AR: variants seen among roughly 807,000 people sequenced by gnomAD.
AR encodes dihydrotestosterone receptor.
Under a neutral mutation model 53.9 loss-of-function variants are expected in AR, and 8 were observed. The observed-to-expected ratio is 0.15, with a 90% CI of 0.09 to 0.27. The LOEUF is 0.27. Among genes scored for constraint, AR ranks in the 10% least tolerant of loss-of-function variants. The probability of loss-of-function intolerance (pLI) is 1.00; values close to 1 mark genes in which losing one functional copy is unlikely to be tolerated. For synonymous variants in AR, 359 were observed against 316.4 expected (o/e 1.13, Z -1.43); for missense variants, 639 against 742.5 (o/e 0.86, Z 1.62).
At chrX:67,662,913 T>G (rs951363253) in intron 2 of AR, among the ~76,000 whole-genome samples, 5 of 111,660 alleles carry the variant, frequency 4.5e-5, no homozygotes, top group South Asian at 3.8e-4. Flanking sequence ...TTTGTTGGTT[T>G]AAAGTCTGTT....
At chrX:67,633,847 G>T (rs1177312105) in intron 1 of AR, among the ~76,000 whole-genome samples, 1 of 111,887 alleles carries the variant, frequency 8.9e-6, no homozygotes, top group Non-Finnish European at 1.9e-5. Flanking sequence ...TGTATTAAAT[G>T]TCCATAAAAG....
At chrX:67,568,957 G>A (rs752729481) in intron 1 of AR, 1 of 1,210,240 alleles carries the variant, frequency 8.3e-7, no homozygotes, top group African/African-American at 1.7e-5. Context: ...AGGGAACCAG[G>A]GAAACGAATG....
chrX:67,661,780 T>C (rs756396879), intron 2 of AR, among the ~76,000 whole-genome samples: 2 of 111,776 alleles, frequency 1.8e-5, no homozygotes, highest in East Asian at 5.7e-4. Flanking sequence ...CAGCTCCTCC[T>C]TGTACCTCTG....
At chrX:67,713,194 G>T (rs12011518) in intron 4 of AR, among the ~76,000 whole-genome samples, 8,590 of 110,354 alleles carry the variant, frequency 0.078, 263 homozygotes, top group African/African-American at 0.1. Flanking sequence ...ATTTCATGTT[G>T]GCTGTCAAGT....
intron 1 of AR, among the ~76,000 whole-genome samples, chrX:67,588,952 C>G (rs1378384119): frequency 1.8e-5 from 2 of 112,571 alleles, no homozygotes; most frequent in Non-Finnish European, 3.7e-5. Flanking sequence ...ACTCAACACA[C>G]TTGTAATTAC....
chrX:67,699,991 G>A (rs951602936), intron 3 of AR, among the ~76,000 whole-genome samples: 3 of 110,982 alleles, frequency 2.7e-5, no homozygotes, highest in African/African-American at 9.9e-5. Context: ...TTTTTCTCTG[G>A]TGCTATAGAT....
At chrX:67,665,243 C>G (rs745321381) in intron 2 of AR, among the ~76,000 whole-genome samples, 1 of 112,408 alleles carries the variant, frequency 8.9e-6, no homozygotes, top group African/African-American at 3.2e-5. Flanking sequence ...TGTTCCTATT[C>G]GGCCATCTTC....
At chrX:67,680,064 T>G (rs981001603) in intron 2 of AR, among the ~76,000 whole-genome samples, 6 of 112,203 alleles carry the variant, frequency 5.3e-5, no homozygotes, top group Non-Finnish European at 7.5e-5. Context: ...ATTTAATCCA[T>G]TTGGAATTTA....
In AR at chrX:67,676,602, G is replaced by T. The variant is rs141138185; in HGVS notation, c.1769-9408G>T. ...CAAGGTTACTAAAAGCCTGTGCAGGGTTTATGGCAAAAGTAAAACTTGCTC... is the reference window on the plus strand; with the variant it reads ...CAAGGTTACTAAAAGCCTGTGCAGGTTTTATGGCAAAAGTAAAACTTGCTC... On this transcript the variant is annotated intron_variant, in intron 2 of 7. Transcript: ENST00000374690. Among the ~76,000 whole-genome samples the T allele has an allele frequency of 8.0e-3, 889 of 111,474 alleles. 7 individuals carry two copies. Among genetic ancestry groups the T allele is most frequent in the African/African-American group, 0.028 (847 of 30,694 alleles).
intron 1 of AR, among the ~76,000 whole-genome samples, chrX:67,547,930 TGGA>T (rs1380896504): frequency 1.8e-5 from 2 of 112,174 alleles, no homozygotes; most frequent in Non-Finnish European, 3.8e-5. Context: ...TTGAGCTTCT[TGGA>T]GACCATGCTG....
chrX:67,598,771 A>T (rs1392552750), intron 1 of AR, among the ~76,000 whole-genome samples: 2 of 104,372 alleles, frequency 1.9e-5, no homozygotes, highest in East Asian at 6.0e-4. Flanking sequence ...TCTCACCTCA[A>T]TTTTTTTTTT....
intron 1 of AR, among the ~76,000 whole-genome samples, chrX:67,552,074 C>G (rs778923894): frequency 8.9e-6 from 1 of 112,149 alleles, no homozygotes; most frequent in East Asian, 2.8e-4. Context: ...CTAAAGTGTA[C>G]AGTTTCATGC....
intron 1 of AR, among the ~76,000 whole-genome samples, chrX:67,585,226 G>C (rs1307410261): frequency 9.9e-6 from 1 of 100,540 alleles, no homozygotes; most frequent in Non-Finnish European, 2.0e-5. Flanking sequence ...TTGCACCACT[G>C]CACTCCAGCC....
Position 67,726,950 on chromosome X carries a change from A to G in AR, c.*3109A>G, listed in dbSNP as rs957450948. 3.5e-5 allele frequency: 6 copies of G among 173,011 alleles called. No individual in the cohort carries two copies. Among genetic ancestry groups the G allele is most frequent in the Non-Finnish European group, 4.4e-5 (4 of 90,485 alleles). The allele number at this position is 173,011 out of a possible 1,213,427, so 14.3% of individuals were successfully genotyped here. A position where few individuals can be genotyped will look rare whatever the true frequency, so the allele number is the denominator to read the frequency against. On this transcript the variant is annotated 3_prime_UTR_variant, in exon 8 of 8. Transcript: ENST00000374690. ...AAGGACCATCTCCAAACAAGTTGGC[A>G]GTGCTCGATGTGGACGAAGAGTGAG...
chrX:67,622,463 C>T (rs766856793), intron 1 of AR, among the ~76,000 whole-genome samples: 6 of 111,877 alleles, frequency 5.4e-5, no homozygotes, highest in Non-Finnish European at 1.1e-4. Flanking sequence ...CAGTGGGATA[C>T]GCTGTTAAAA....
chrX:67,661,196 G>A (rs748742635), intron 2 of AR, among the ~76,000 whole-genome samples: 6 of 111,072 alleles, frequency 5.4e-5, no homozygotes, highest in South Asian at 3.8e-4. Flanking sequence ...CTAATTGAAT[G>A]CCCTTTATTT....
chrX:67,649,612 T>C (rs746974839), intron 2 of AR, among the ~76,000 whole-genome samples: 8 of 112,810 alleles, frequency 7.1e-5, no homozygotes, highest in Non-Finnish European at 1.5e-4. Context: ...TGATTTGCAT[T>C]TCCCTAATGA....
intron 2 of AR, among the ~76,000 whole-genome samples, chrX:67,674,378 ACAAT>A (rs1224368549): frequency 2.7e-5 from 3 of 109,773 alleles, no homozygotes; most frequent in African/African-American, 6.6e-5. Flanking sequence ...TAAGGGCTAT[ACAAT>A]CAGTCAGTGG....
chrX:67,694,508 G>C (rs771737983), intron 3 of AR, among the ~76,000 whole-genome samples: 60 of 110,804 alleles, frequency 5.4e-4, no homozygotes, highest in African/African-American at 1.9e-3. Flanking sequence ...CAAGTGGATA[G>C]GAAAAGAAAA....
Sources: allele counts gnomAD v4.1 joint callset (sites outside exome capture counted in the v4.1 genomes callset), GRCh38; gene constraint gnomAD v4.1.1; transcripts MANE v1.5; gene names NCBI Gene and HGNC (gene_info 2026-07-23, HGNC 2026-07-21).